Variants in TENM2 observed in about 807,000 individuals in gnomAD.
The protein encoded by TENM2 is teneurin transmembrane protein 2.
In TENM2, 52 loss-of-function variants were observed where a neutral mutation model predicts 245.2. That is an observed-to-expected ratio of 0.21 (90% CI 0.17 to 0.27). TENM2 has a LOEUF of 0.27. Among genes scored for constraint, TENM2 ranks in the 10% least tolerant of loss-of-function variants. TENM2 has a pLI of 1.00. For missense variants in TENM2, 3,046 were observed against 3,666.8 expected (o/e 0.83, Z 4.37); for synonymous variants, 1,363 against 1,438.9 (o/e 0.95, Z 1.19).
chr5:168,119,757 C>A (rs998280581), intron 10 of TENM2, among the ~76,000 whole-genome samples: 1 of 152,132 alleles, frequency 6.6e-6, no homozygotes, highest in Non-Finnish European at 1.5e-5. Flanking sequence ...CTCCCATGTC[C>A]CCAACAGAAA....
chr5:167,796,643 G>C (rs1158843446), intron 2 of TENM2, among the ~76,000 whole-genome samples: 1 of 151,964 alleles, frequency 6.6e-6, no homozygotes, highest in Non-Finnish European at 1.5e-5. Context: ...TGCGTGTGCA[G>C]AATTGTTTGA....
intron 2 of TENM2, among the ~76,000 whole-genome samples, chr5:167,408,414 G>C (rs1164723923): frequency 6.6e-6 from 1 of 152,058 alleles, no homozygotes; most frequent in Non-Finnish European, 1.5e-5. Context: ...TCTTACTCTT[G>C]TTGTATTGCT....
At chr5:167,596,640 C>CA (rs1259822679) in intron 2 of TENM2, among the ~76,000 whole-genome samples, 1 of 151,800 alleles carries the variant, frequency 6.6e-6, no homozygotes, top group Admixed American at 6.6e-5. Context: ...ACTAAAAACA[C>CA]AAAAAATTAG....
At chr5:167,210,099 A>C in the TENM2 span, among the ~76,000 whole-genome samples, 2 of 152,206 alleles carry the variant, frequency 1.3e-5, no homozygotes, top group African/African-American at 2.4e-5. Context: ...GGATTATTTC[A>C]TTTAACCCAC....
At chr5:168,263,230 G>A (rs1188673340), downstream of TENM2, 2 of 159,460 alleles carry the variant, frequency 1.3e-5, no homozygotes, top group East Asian at 1.8e-4. Flanking sequence ...AAGAAGCGAA[G>A]ATAAGAAAGA....
chr5:167,511,066 AT>A (rs1769922060), intron 2 of TENM2, among the ~76,000 whole-genome samples: 1 of 152,170 alleles, frequency 6.6e-6, no homozygotes, highest in Admixed American at 6.5e-5. Context: ...ATCCTATGCC[AT>A]TTATCCCACA....
chr5:167,863,504 CG>C (rs1772024290), intron 2 of TENM2, among the ~76,000 whole-genome samples: 1 of 151,676 alleles, frequency 6.6e-6, no homozygotes, highest in Non-Finnish European at 1.5e-5. Context: ...ATTAGCCAGG[CG>C]TGGTGGCATG....
At chr5:167,167,416 C>G in the TENM2 span, among the ~76,000 whole-genome samples, 1 of 152,162 alleles carries the variant, frequency 6.6e-6, no homozygotes, top group Non-Finnish European at 1.5e-5. Context: ...CATCAATCCC[C>G]TCTTGATCCC....
At chr5:168,238,593 C>G (rs12519946) in intron 25 of TENM2, among the ~76,000 whole-genome samples, 67,558 of 152,002 alleles carry the variant, frequency 0.44, 15,510 homozygotes, top group East Asian at 0.57. Context: ...TCATGTTTCT[C>G]AAATCACTAG....
the TENM2 span, among the ~76,000 whole-genome samples, chr5:167,001,452 G>T: frequency 6.6e-6 from 1 of 151,708 alleles, no homozygotes; most frequent in Admixed American, 6.6e-5. Context: ...GACTTATGGG[G>T]TTGCAGAAAG....
chr5:167,979,241 T>C (rs1300010485), intron 4 of TENM2, among the ~76,000 whole-genome samples: 16 of 152,104 alleles, frequency 1.1e-4, no homozygotes, highest in Admixed American at 1.0e-3. Context: ...TGGATTCTTC[T>C]CTAGGTGGAG....
rs182571686 is a variant in TENM2, at chr5:167,787,435, G to A, written c.503-88551G>A. 3.3e-5 allele frequency among the ~76,000 whole-genome samples: 5 copies of A among 152,236 alleles called. No homozygotes were observed. In the East Asian group the frequency reaches 7.7e-4, roughly 24 times the overall value. On this transcript the variant is annotated intron_variant, in intron 2 of 28. Coordinates refer to ENST00000518659, the Ensembl canonical transcript of TENM2. ...GGCTGAATCCAGAGCTTCATGACCG[G>A]GGCTTCCTTCTACTCAAGGAAGTTT...
intron 2 of TENM2, among the ~76,000 whole-genome samples, chr5:167,801,988 A>C (rs1304502811): frequency 6.6e-6 from 1 of 152,158 alleles, no homozygotes; most frequent in Non-Finnish European, 1.5e-5. Context: ...TGAAAGTCCA[A>C]GATTAGCGTG....
At chr5:167,595,493 C>T (rs1776142531) in intron 2 of TENM2, among the ~76,000 whole-genome samples, 1 of 152,216 alleles carries the variant, frequency 6.6e-6, no homozygotes, top group Non-Finnish European at 1.5e-5. Context: ...TCACAGCAAA[C>T]AGACCTATTC....
the TENM2 span, among the ~76,000 whole-genome samples, chr5:166,993,424 G>C: frequency 6.6e-6 from 1 of 152,076 alleles, no homozygotes; most frequent in South Asian, 2.1e-4. Flanking sequence ...CACCTAGGAG[G>C]GTGAGAGCCC....
intron 2 of TENM2, among the ~76,000 whole-genome samples, chr5:167,389,253 T>A (rs1029983248): frequency 3.2e-5 from 2 of 62,912 alleles, no homozygotes; most frequent in Admixed American, 1.5e-4. Flanking sequence ...ATTTAAAATA[T>A]ATATATATAT....
intron 2 of TENM2, among the ~76,000 whole-genome samples, chr5:167,857,369 T>A (rs1010960895): frequency 6.6e-6 from 1 of 152,234 alleles, no homozygotes; most frequent in African/African-American, 2.4e-5. Flanking sequence ...CTTCCAGGGT[T>A]AAGAACTGCA....
chr5:167,279,525 C>CCTT, the TENM2 span, among the ~76,000 whole-genome samples: 1 of 133,532 alleles, frequency 7.5e-6, no homozygotes, highest in Non-Finnish European at 1.6e-5. Flanking sequence ...TTCCTTCCTT[C>CCTT]CTTCCTTCCT....
At chr5:167,188,524 G>T in the TENM2 span, among the ~76,000 whole-genome samples, 1 of 151,902 alleles carries the variant, frequency 6.6e-6, no homozygotes, top group Non-Finnish European at 1.5e-5. Context: ...CAGTATAAAA[G>T]GGAAAGAGAC....
Sources: gnomAD v4.1 joint callset for allele counts (sites outside exome capture counted in the v4.1 genomes callset) on GRCh38, gnomAD v4.1.1 for gene constraint, MANE v1.5 for transcripts, NCBI Gene and HGNC (gene_info 2026-07-23, HGNC 2026-07-21) for gene names.